GGNBP2: variants seen among roughly 807,000 people sequenced by gnomAD.
GGNBP2 encodes the protein gametogenetin binding protein 2.
Under a neutral mutation model 85.9 loss-of-function variants are expected in GGNBP2, and 10 were observed. That is an observed-to-expected ratio of 0.12 (90% confidence interval 0.07 to 0.20). The LOEUF is 0.20. Among genes scored for constraint, GGNBP2 ranks in the 10% least tolerant of loss-of-function variants. GGNBP2 has a pLI of 1.00. For synonymous variants in GGNBP2, 287 were observed against 285.7 expected, an observed-to-expected ratio of 1.00 and a Z score of -0.05; for missense variants, 595 against 857.8, an observed-to-expected ratio of 0.69 and a Z score of 3.83.
At chr17:36,579,452 T>C in intron 8 of GGNBP2, 33 bp downstream of exon 8, 1 of 1,587,358 alleles carries the variant, frequency 6.3e-7, no homozygotes, top group Non-Finnish European at 8.6e-7. Context: ...GTATCTCAGA[T>C]TGCTTAGTCA....
At position 36,581,348 on chromosome 17, in the gene GGNBP2, C is replaced by A. The variant is rs751998995; in HGVS notation, c.1025C>A (p.Thr342Asn). ...VDALRKSFEM[T>N]VEKVQGISRL... is the part of the protein sequence containing the mutation. ...TCAACCTTATTTTTATAATAGATGA[C>A]CGTGGAAAAAGTACAGGGTATTAGC... The change falls in exon 9 of 14, where the codon ACC (threonine) becomes AAC (asparagine). Residue 342 changes from threonine (T) to asparagine (N), a missense_variant. Coordinates refer to ENST00000613102, the MANE Select transcript of GGNBP2 (RefSeq NM_024835.5). The A allele has an allele frequency of 1.3e-6, 2 of 1,582,482 alleles. No individual in the cohort carries two copies. Among genetic ancestry groups the A allele is most frequent in the Non-Finnish European group, 1.7e-6 (2 of 1,165,110 alleles).
intron 2 of GGNBP2, 59 bp downstream of exon 2, chr17:36,545,876 C>T (rs1350370984): frequency 8.1e-7 from 1 of 1,233,796 alleles, no homozygotes; most frequent in African/African-American, 1.5e-5. Flanking sequence ...TCCCCTCCTC[C>T]CCCTCCCCCA....
Position 36,589,244 on chromosome 17 carries a change from A to C in GGNBP2, c.1927A>C (p.Ile643Leu), listed in dbSNP as rs755072008. 1 of 1,613,354 alleles carries C rather than the reference A, an allele frequency of 6.2e-7. No individual in the cohort carries two copies. The change falls in exon 14 of 14, where the codon ATC (isoleucine) becomes CTC (leucine). Residue 643 changes from isoleucine (I) to leucine (L), a missense_variant. Around this residue, in one of 9 missense-constraint regions of GGNBP2, gnomAD observed 120 missense variants for 126.3 expected, o/e 0.95. Coordinates refer to ENST00000613102, the MANE Select transcript of GGNBP2 (RefSeq NM_024835.5). Reference sequence around the variant, plus strand: ...ATGTACTTCAGATGAGGAAATCTTTATCTCACAAGATGAAATACAGTCATT... The same window carrying C: ...ATGTACTTCAGATGAGGAAATCTTTCTCTCACAAGATGAAATACAGTCATT... ...SECTSDEEIF[I>L]SQDEIQSFMA...
In GGNBP2 at chr17:36,567,610, A is replaced by G. The variant is rs533607043; in HGVS notation, c.528-53A>G. 6.5e-6 allele frequency: 6 copies of G among 918,432 alleles called. No homozygotes were observed. In the South Asian group the frequency reaches 9.3e-5, roughly 14 times the overall value. The allele number at this position is 918,432 out of a possible 1,614,324, so 56.9% of individuals were successfully genotyped here. A position where few individuals can be genotyped will look rare whatever the true frequency, so the allele number is the denominator to read the frequency against. On this transcript the variant is annotated intron_variant, in intron 5 of 13. Transcript: ENST00000613102. ...CTTTAATCTGTTTTTTGTTTTTTTA[A>G]GGTTTTACCCTTCTGTATTCTCCCT...
intron 2 of GGNBP2, chr17:36,547,018 T>C (rs570667940): frequency 1.3e-5 from 2 of 152,342 alleles, no homozygotes; most frequent in East Asian, 1.9e-4. Context: ...AGTTTTTAAG[T>C]GACAGCATTT....
intron 4 of GGNBP2, 145 bp from the exon 5 acceptor site, chr17:36,560,628 G>T: frequency 2.0e-6 from 1 of 500,394 alleles, no homozygotes; most frequent in South Asian, 3.1e-5. Flanking sequence ...TGAGTGCCAG[G>T]CACACTGCTA....
intron 13 of GGNBP2, 159 bp downstream of exon 13, chr17:36,587,404 TC>T: frequency 1.3e-6 from 1 of 789,394 alleles, no homozygotes; most frequent in Non-Finnish European, 2.1e-6. Flanking sequence ...TTTCTGTCCT[TC>T]CACTCGTGGT....
chr17:36,561,345 G>A (rs1050522487), intron 5 of GGNBP2, among the ~76,000 whole-genome samples: 26 of 151,872 alleles, frequency 1.7e-4, no homozygotes, highest in African/African-American at 5.3e-4. Flanking sequence ...GCTGGTCTCG[G>A]ACTCCTGACC....
intron 2 of GGNBP2, among the ~76,000 whole-genome samples, chr17:36,552,111 G>A (rs1230156134): frequency 6.6e-6 from 1 of 152,136 alleles, no homozygotes; most frequent in African/African-American, 2.4e-5. Context: ...TTTGTATCAA[G>A]CAAATGAAAA....
At position 36,574,760 on chromosome 17, in the gene GGNBP2, C is replaced by T. The variant is rs978801020; in HGVS notation, c.642-3223C>T. ...AGTGCCTCTGGGCGTAGGGATGAGG[C>T]GCACCAGCACAGAGCCGTGGTGGCC... On this transcript the variant is annotated intron_variant, in intron 6 of 13. Coordinates refer to ENST00000613102, the MANE Select transcript of GGNBP2 (RefSeq NM_024835.5). The T allele has an allele frequency of 4.6e-5, 29 of 628,370 alleles. No homozygotes were observed. The Admixed American group carries it at 5.6e-4, about 12-fold the overall frequency. 38.9% of individuals were successfully genotyped at this position (628,370 alleles called of 1,614,324 possible).
At chr17:36,575,643 TATA>T (rs1477172098) in intron 6 of GGNBP2, among the ~76,000 whole-genome samples, 65 of 56,012 alleles carry the variant, frequency 1.2e-3, no homozygotes, top group Middle Eastern at 9.6e-3. Context: ...TATATATATA[TATA>T]TATTTTTTTT....
intron 6 of GGNBP2, 84 bp downstream of exon 6, chr17:36,567,860 G>C: frequency 1.5e-6 from 1 of 660,332 alleles, no homozygotes. Context: ...GAACTCCTTT[G>C]TATAATAGCA....
At chr17:36,552,787 G>A (rs1038778632) in intron 2 of GGNBP2, among the ~76,000 whole-genome samples, 6 of 152,070 alleles carry the variant, frequency 3.9e-5, no homozygotes, top group Non-Finnish European at 8.8e-5. Context: ...TTGGGAGTCC[G>A]AGGCAGGCAG....
intron 6 of GGNBP2, among the ~76,000 whole-genome samples, chr17:36,572,044 C>CT (rs571353995): frequency 1.8e-4 from 27 of 151,314 alleles, no homozygotes; most frequent in East Asian, 7.9e-4. Flanking sequence ...GAGTGAGACT[C>CT]TGTCTCGAAA....
chr17:36,586,263 G>C, intron 12 of GGNBP2, 65 bp downstream of exon 12: 1 of 1,551,066 alleles, frequency 6.4e-7, no homozygotes, highest in Non-Finnish European at 8.6e-7. Flanking sequence ...GTTTTCCTTG[G>C]AGTGGCATAT....
intron 6 of GGNBP2, among the ~76,000 whole-genome samples, chr17:36,572,042 C>G (rs2074530556): frequency 6.6e-6 from 1 of 151,358 alleles, no homozygotes; most frequent in Admixed American, 6.6e-5. Context: ...CAGAGTGAGA[C>G]TCTGTCTCGA....
At chr17:36,576,595 A>ATATATATATATGTG (rs748348633) in intron 6 of GGNBP2, 1 of 51,490 alleles carries the variant, frequency 1.9e-5, no homozygotes, top group Non-Finnish European at 3.1e-5. Context: ...ATATATATAT[A>ATATATATATATGTG]TGTGTGTGTG....
chr17:36,554,107 G>A (rs143357708), intron 2 of GGNBP2, among the ~76,000 whole-genome samples: 7,640 of 151,842 alleles, frequency 0.05, 325 homozygotes, highest in East Asian at 0.16. Flanking sequence ...TCAGGAGTTC[G>A]AGACCAGCCT....
chr17:36,555,812 TA>T (rs1459885409), intron 3 of GGNBP2, among the ~76,000 whole-genome samples: 3 of 152,240 alleles, frequency 2.0e-5, no homozygotes, highest in Non-Finnish European at 4.4e-5. Flanking sequence ...AAATAGTAGT[TA>T]TACTGCATCT....
Sources: allele counts gnomAD v4.1 joint callset (sites outside exome capture counted in the v4.1 genomes callset), GRCh38; gene constraint gnomAD v4.1.1; regional missense constraint gnomAD v4.1.1; transcripts MANE v1.5; gene names NCBI Gene and HGNC (gene_info 2026-07-23, HGNC 2026-07-21).